The following CACNA1B variants were observed in gnomAD, a reference collection of about 807,000 sequenced individuals.
CACNA1B encodes the protein calcium voltage-gated channel subunit alpha1 B.
CACNA1B carries 70 observed loss-of-function variants against 247.2 expected under a neutral mutation model. The observed-to-expected ratio is 0.28, with a 90% CI of 0.23 to 0.35. CACNA1B has a LOEUF of 0.35. Ranked by LOEUF, CACNA1B falls within the 10% of genes least tolerant of loss-of-function variation. The pLI is 1.00. For missense variants in CACNA1B, 2,367 were observed against 3,197.4 expected (o/e 0.74, Z 6.26); for synonymous variants, 1,231 against 1,294.4 (o/e 0.95, Z 1.05).
chr9:137,892,417 A>G (rs748990964), intron 3 of CACNA1B: 5 of 450,850 alleles, frequency 1.1e-5, no homozygotes, highest in Middle Eastern at 3.5e-4. Flanking sequence ...CACTGTGGCC[A>G]TGTGGCTGTT....
rs765214879 is a variant in CACNA1B at position 137,974,823 on chromosome 9, G to A, written c.1544-1084G>A. On this transcript the variant is annotated intron_variant, in intron 11 of 46. Transcript: ENST00000371372. This position sits in a 1 kb window ranked among gnomAD's most constrained non-coding sequence, Gnocchi z 4.5. ...GCCCTTCATGCCCTCCCAGGGCCTT[G>A]TTCTCCATGTGGGCTCTGCCCTGGG... Among the ~76,000 whole-genome samples the A allele has an allele frequency of 6.6e-6, 1 of 152,262 alleles. No individual in the cohort carries two copies.
intron 3 of CACNA1B, among the ~76,000 whole-genome samples, chr9:137,883,676 G>A (rs373438519): frequency 0.012 from 1,820 of 152,138 alleles, 34 homozygotes; most frequent in African/African-American, 0.04. Flanking sequence ...GGTGGCTGGG[G>A]AGTGAGTGCT....
At chr9:137,970,442 C>T (rs1958132955) in intron 10 of CACNA1B, among the ~76,000 whole-genome samples, 1 of 152,230 alleles carries the variant, frequency 6.6e-6, no homozygotes, top group Non-Finnish European at 1.5e-5. Context: ...GATCAAGCCC[C>T]TCTCAGTGTG....
In CACNA1B at chr9:137,954,833, A is replaced by C. The variant is rs2133341800; in HGVS notation, c.1071-865A>C. Among the ~76,000 whole-genome samples, 1 of 136,084 alleles carries C rather than the reference A, an allele frequency of 7.3e-6. No individual in the cohort carries two copies. Among genetic ancestry groups the C allele is most frequent in the East Asian group, 2.5e-4 (1 of 4,078 alleles). 89.3% of individuals were successfully genotyped at this position (136,084 alleles called of 152,430 possible). On this transcript the variant is annotated intron_variant, in intron 7 of 46. Coordinates refer to ENST00000371372, the MANE Select transcript of CACNA1B (RefSeq NM_000718.4). The surrounding 1 kb of genome is among the most constrained non-coding windows in gnomAD (Gnocchi z 4.1). ...GTGTGCTGGGAGTCATACCTGCCAC[A>C]CCCACTCCACCAACTCAGAAGCTTG... is the stretch of plus-strand genomic sequence containing the variant.
chr9:138,006,445 C>T (rs376665560), intron 15 of CACNA1B, among the ~76,000 whole-genome samples: 1 of 152,284 alleles, frequency 6.6e-6, no homozygotes, highest in Middle Eastern at 3.4e-3. Flanking sequence ...TCTCTCCATG[C>T]CTGATCTCAC....
At chr9:137,967,016 G>A (rs777124717) in intron 10 of CACNA1B, among the ~76,000 whole-genome samples, 2 of 150,168 alleles carry the variant, frequency 1.3e-5, no homozygotes, top group Non-Finnish European at 3.0e-5. Flanking sequence ...TGTTTCTAAT[G>A]GTAACGGGTG....
intron 15 of CACNA1B, among the ~76,000 whole-genome samples, chr9:137,996,330 C>T (rs1243208358): frequency 6.6e-6 from 1 of 152,166 alleles, no homozygotes. Flanking sequence ...TACTACTCAG[C>T]CCTAAAAAGA....
Position 138,120,714 on chromosome 9 carries a change from C to G in CACNA1B, c.6322C>G (p.Arg2108Gly), listed in dbSNP as rs777754000. The G allele has an allele frequency of 6.5e-7, 1 of 1,530,652 alleles. No homozygotes were observed. Among genetic ancestry groups the G allele is most frequent in the Non-Finnish European group, 8.8e-7 (1 of 1,142,108 alleles). 94.8% of individuals were successfully genotyped at this position (1,530,652 alleles called of 1,614,324 possible). A position where few individuals can be genotyped will look rare whatever the true frequency, so the allele number is the denominator to read the frequency against. ...GCGGGAACGAGAGCGCCGGCAGGAG[C>G]GGGGCCGGTCCCAGGAGCGGAGGCA... is the stretch of plus-strand genomic sequence containing the variant. ...CRRERERRQE[R>G]GRSQERRQPS... The change falls in exon 46 of 47, where the codon CGG becomes GGG. Residue 2108 changes from arginine (R) to glycine (G), a missense_variant. Coordinates refer to ENST00000371372, the MANE Select transcript of CACNA1B (RefSeq NM_000718.4).
At chr9:138,037,682 A>AG (rs1959063911) in intron 20 of CACNA1B, among the ~76,000 whole-genome samples, 1 of 148,698 alleles carries the variant, frequency 6.7e-6, no homozygotes, top group East Asian at 2.0e-4. Flanking sequence ...AAAAAAAAAA[A>AG]GAGAGAAAAA....
intron 10 of CACNA1B, among the ~76,000 whole-genome samples, chr9:137,966,933 G>A (rs940318955): frequency 4.6e-5 from 7 of 151,104 alleles, no homozygotes; most frequent in African/African-American, 1.7e-4. Context: ...GGGACTATAG[G>A]TGTGCACCAC....
intron 32 of CACNA1B, among the ~76,000 whole-genome samples, chr9:138,070,155 C>T (rs1348268617): frequency 1.3e-5 from 2 of 152,242 alleles, no homozygotes; most frequent in Non-Finnish European, 2.9e-5. Flanking sequence ...TCCTGTTGCG[C>T]AGCCATCTCC....
intron 6 of CACNA1B, among the ~76,000 whole-genome samples, chr9:137,921,878 T>C (rs1371833905): frequency 4.0e-3 from 125 of 30,974 alleles, no homozygotes; most frequent in African/African-American, 0.012. Flanking sequence ...TGATCAGCAC[T>C]GCAGCCGCGC....
chr9:138,123,648 C>T lies in CACNA1B; in HGVS notation c.*1649C>T, dbSNP rs1319045977. The stretch of plus-strand genomic sequence containing the variant: ...GTGTTCAGTGTGTGGATGTCATTAA[C>T]CCATAGGGCTATGCAACAAAAGACA... On this transcript the variant is annotated 3_prime_UTR_variant, in exon 47 of 47. Coordinates refer to ENST00000371372, the MANE Select transcript of CACNA1B (RefSeq NM_000718.4). The T allele has an allele frequency of 6.6e-6, 1 of 151,898 alleles. No homozygotes were observed. Among genetic ancestry groups the T allele is most frequent in the Non-Finnish European group, 1.5e-5 (1 of 68,010 alleles). 9.4% of individuals were successfully genotyped at this position (151,898 alleles called of 1,614,324 possible). A position where few individuals can be genotyped will look rare whatever the true frequency, so the allele number is the denominator to read the frequency against.
Position 137,952,246 on chromosome 9 carries a change from T to C in CACNA1B, c.967-28T>C, listed in dbSNP as rs772421601. On this transcript the variant is annotated intron_variant, in intron 6 of 46. Coordinates refer to ENST00000371372, the MANE Select transcript of CACNA1B (RefSeq NM_000718.4). This position sits in a 1 kb window ranked among gnomAD's most constrained non-coding sequence, Gnocchi z 4.8. ...CCGGGACTGTGTTTTGTCCCTGTCC[T>C]TCCTCATCTCCCTCTCCTTGCTTCC... The C allele has an allele frequency of 9.4e-6, 15 of 1,590,824 alleles. No individual in the cohort carries two copies. The highest frequency in any genetic ancestry group is 2.7e-5 in the African/African-American group (2 of 74,596).
rs1184131774 is a variant in CACNA1B at position 138,023,803 on chromosome 9, C to G, written c.3060C>G (p.His1020Gln). 2.1e-6 allele frequency: 3 copies of G among 1,406,748 alleles called. No individual in the cohort carries two copies. Among genetic ancestry groups the G allele is most frequent in the Admixed American group, 3.9e-5 (2 of 50,756 alleles). The allele number at this position is 1,406,748 out of a possible 1,614,324, so 87.1% of individuals were successfully genotyped here. Residue 1020 changes from histidine to glutamine, a missense_variant, in exon 19 of 47, where the codon CAC becomes CAG. Around this residue, in one of 12 missense-constraint regions of CACNA1B, gnomAD observed 631 missense variants for 631.1 expected, o/e 1.00. Coordinates refer to ENST00000371372, the MANE Select transcript of CACNA1B (RefSeq NM_000718.4). The part of the protein sequence containing the change: ...EADKEKELRN[H>Q]QPREPHCDLE... The stretch of plus-strand genomic sequence containing the variant: ...ACAAGGAAAAGGAGCTCCGGAACCA[C>G]CAGCCCCGGTGAGTCCGCGGCTGGG...
chr9:138,095,564 T>TA (rs961147933), intron 36 of CACNA1B, among the ~76,000 whole-genome samples: 21 of 151,256 alleles, frequency 1.4e-4, no homozygotes, highest in African/African-American at 4.8e-4. Flanking sequence ...TGGCAGTTCC[T>TA]AAAAAAAAAT....
Position 138,118,097 on chromosome 9 carries a change from G to A in CACNA1B, c.5913+16G>A. The A allele has an allele frequency of 1.3e-6, 2 of 1,542,290 alleles. No homozygotes were observed. The highest frequency in any genetic ancestry group is 1.8e-6 in the Non-Finnish European group (2 of 1,140,600). ...AGGAGCACTGGTGAGCACTCCCGGG[G>A]GCTAGTGAGACTGGGTTGGGGGATG... On this transcript the variant is annotated intron_variant, in intron 43 of 46. Coordinates refer to ENST00000371372, the MANE Select transcript of CACNA1B (RefSeq NM_000718.4).
Position 138,102,700 on chromosome 9 carries a change from C to T in CACNA1B, c.5223-11C>T, listed in dbSNP as rs200928649. Reference sequence around the variant, plus strand: ...CCACTGTGCCCTGGCCTCGCTGGGACGGGTTTCCAGTGGGCGCATCAGTTA... The same window carrying T: ...CCACTGTGCCCTGGCCTCGCTGGGATGGGTTTCCAGTGGGCGCATCAGTTA... On this transcript the variant is annotated splice_polypyrimidine_tract_variant and intron_variant, in intron 37 of 46. Coordinates refer to ENST00000371372, the MANE Select transcript of CACNA1B (RefSeq NM_000718.4). This position sits in a 1 kb window ranked among gnomAD's most constrained non-coding sequence, Gnocchi z 5.4. The T allele has an allele frequency of 2.1e-5, 34 of 1,591,920 alleles. No homozygotes were observed. Among genetic ancestry groups the T allele is most frequent in the East Asian group, 1.1e-4 (5 of 44,466 alleles).
chr9:137,952,436 A>G lies in CACNA1B; in HGVS notation c.1070+59A>G, dbSNP rs1957888441. 2 of 1,400,336 alleles carry G rather than the reference A, an allele frequency of 1.4e-6. No individual in the cohort carries two copies. Among genetic ancestry groups the G allele is most frequent in the Non-Finnish European group, 2.0e-6 (2 of 987,520 alleles). 86.7% of individuals were successfully genotyped at this position (1,400,336 alleles called of 1,614,324 possible). On this transcript the variant is annotated intron_variant, in intron 7 of 46. Coordinates refer to ENST00000371372, the MANE Select transcript of CACNA1B (RefSeq NM_000718.4). This position sits in a 1 kb window ranked among gnomAD's most constrained non-coding sequence, Gnocchi z 4.8. ...CTCTGTGTTCTCAGCTGAGGGGTCA[A>G]CAGGGGCACGTGTGACACTTGGGGT...
Sources: allele counts gnomAD v4.1 joint callset (sites outside exome capture counted in the v4.1 genomes callset), GRCh38; gene constraint gnomAD v4.1.1; regional missense constraint gnomAD v4.1.1; non-coding constraint Gnocchi (gnomAD v3.1); transcripts MANE v1.5; gene names NCBI Gene and HGNC (gene_info 2026-07-23, HGNC 2026-07-21).